Variants in AOC2 observed in about 807,000 individuals in gnomAD.
AOC2 encodes amine oxidase [copper-containing] 2.
AOC2 carries 57 observed loss-of-function variants against 53.8 expected under a neutral mutation model. The ratio of observed to expected loss-of-function variants is 1.06; its 90% CI spans 0.86 to 1.32. The LOEUF (loss-of-function observed/expected upper bound fraction) is 1.32, where lower values mean the gene tolerates loss of function less well. Ranked by LOEUF, AOC2 falls within the 40% of genes most tolerant of loss-of-function variation. The pLI, the probability that AOC2 is intolerant of heterozygous loss-of-function variation, is 0.00. For synonymous variants in AOC2, 404 were observed against 399.0 expected, an observed-to-expected ratio of 1.01 and a Z score of -0.15; for missense variants, 1,008 against 957.2, an observed-to-expected ratio of 1.05 and a Z score of -0.70.
At position 42,850,408 on chromosome 17, in the gene AOC2, C is replaced by G. The variant is rs889516277; in HGVS notation, c.*60C>G. 8.6e-6 allele frequency: 13 copies of G among 1,507,614 alleles called. No individual in the cohort carries two copies. The highest frequency in any genetic ancestry group is 5.5e-5 in the African/African-American group (4 of 72,136). The allele number at this position is 1,507,614 out of a possible 1,614,324, so 93.4% of individuals were successfully genotyped here. A position where few individuals can be genotyped will look rare whatever the true frequency, so the allele number is the denominator to read the frequency against. ...ATGTACTTTTCCCTGTTTCTACTTT[C>G]TATTCTCCGTGTTTTTATCACACCT... On this transcript the variant is annotated 3_prime_UTR_variant, in exon 4 of 4. Transcript: ENST00000253799.
In AOC2 at chr17:42,850,180, C is replaced by G; in HGVS notation, c.2103C>G (p.Leu701=). The G allele has an allele frequency of 6.2e-7, 1 of 1,614,198 alleles. No individual in the cohort carries two copies. Among genetic ancestry groups the G allele is most frequent in the Non-Finnish European group, 8.5e-7 (1 of 1,180,042 alleles). Residue 701 remains leucine, a synonymous_variant, in exon 4 of 4, where the codon CTC becomes CTG. Coordinates refer to ENST00000253799, the MANE Select transcript of AOC2 (RefSeq NM_009590.4). ...TGGGGAACAGAGTTGGCTTCTTGCTCCGACCCTATAACTTCTTTGATGAGG... is the reference window on the plus strand; with the variant it reads ...TGGGGAACAGAGTTGGCTTCTTGCTGCGACCCTATAACTTCTTTGATGAGG... ...VTLGNRVGFL[L]RPYNFFDEDP...
chr17:42,845,641 A>C lies in AOC2; in HGVS notation c.1015A>C (p.Ser339Arg), dbSNP rs776739171. The change falls in exon 1 of 4, where the codon AGC (serine) becomes CGC (arginine). Residue 339 changes from serine (S) to arginine (R), a missense_variant. Ser to Arg is a moderately radical substitution (Grantham distance 110). Coordinates refer to ENST00000253799, the MANE Select transcript of AOC2 (RefSeq NM_009590.4). ...WSFTFGHGVF[S>R]GLRIFDVRFQ... ...ATTTACCTTTGGCCATGGGGTGTTC[A>C]GCGGCCTGAGGATTTTTGATGTTCG... is the stretch of plus-strand genomic sequence containing the variant. 1.2e-6 allele frequency: 2 copies of C among 1,614,170 alleles called. No homozygotes were observed. The highest frequency in any genetic ancestry group is 2.2e-5 in the East Asian group (1 of 44,880).
rs772772634 is a variant in AOC2 at position 42,845,373 on chromosome 17, C to G, written c.747C>G (p.Asp249Glu). 4 of 1,614,204 alleles carry G rather than the reference C, an allele frequency of 2.5e-6. No individual in the cohort carries two copies. The highest frequency in any genetic ancestry group is 3.4e-6 in the Non-Finnish European group (4 of 1,180,030). ...TACTACTGGACCACAGGGCCCTGGA[C>G]CCTGCCCACTGGACTGTCCAGCAGG... ...LELLLDHRAL[D>E]PAHWTVQQVF... Residue 249 changes from aspartate to glutamate, a missense_variant, in exon 1 of 4, where the codon GAC becomes GAG. Transcript: ENST00000253799.
At chr17:42,846,912 A>G (rs1025524692) in intron 1 of AOC2, among the ~76,000 whole-genome samples, 3 of 152,250 alleles carry the variant, frequency 2.0e-5, no homozygotes, top group Admixed American at 1.3e-4. Context: ...TGATCCACAA[A>G]GAAAATTAGA....
Position 42,845,613 on chromosome 17 carries a change from G to C in AOC2, c.987G>C (p.Trp329Cys). ...VQGNLVVSSL[W>C]SFTFGHGVFS... ...GAAACCTGGTGGTATCCTCCCTCTG[G>C]TCATTTACCTTTGGCCATGGGGTGT... Residue 329 changes from tryptophan to cysteine, a missense_variant, in exon 1 of 4, where the codon TGG (tryptophan) becomes TGC (cysteine). Transcript: ENST00000253799. 1 of 1,614,130 alleles carries C rather than the reference G, an allele frequency of 6.2e-7. No individual in the cohort carries two copies. The highest frequency in any genetic ancestry group is 8.5e-7 in the Non-Finnish European group (1 of 1,180,032).
chr17:42,850,252 G>C lies in AOC2; in HGVS notation c.2175G>C (p.Gln725His). 6.2e-7 allele frequency: 1 copy of C among 1,614,186 alleles called. No individual in the cohort carries two copies. The highest frequency in any genetic ancestry group is 8.5e-7 in the Non-Finnish European group (1 of 1,180,044). Residue 725 changes from glutamine to histidine, a missense_variant, in exon 4 of 4, where the codon CAG becomes CAC. Physicochemically the swap from Gln to His is conservative, Grantham distance 24 (BLOSUM62 0). Coordinates refer to ENST00000253799, the MANE Select transcript of AOC2 (RefSeq NM_009590.4). ...SPGSVYFEKG[Q>H]DAGLCSINPV... ...GCAGTGTCTACTTTGAGAAGGGCCA[G>C]GATGCTGGGCTCTGCAGCATCAATC...
At position 42,845,843 on chromosome 17, in the gene AOC2, A is replaced by G. The variant is rs764887633; in HGVS notation, c.1217A>G (p.Asp406Gly). 1.7e-5 allele frequency: 28 copies of G among 1,614,012 alleles called. No homozygotes were observed. In the Admixed American group the frequency reaches 3.8e-4, roughly 22 times the overall value. The change falls in exon 1 of 4, where the codon GAC becomes GGC. Residue 406 changes from aspartate (D) to glycine (G), a missense_variant. Coordinates refer to ENST00000253799, the MANE Select transcript of AOC2 (RefSeq NM_009590.4). ...TGCCCCTATCAAGCCACGATGGTGGACATCCATATATTAGTGGGCAAAGGG... is the reference window on the plus strand; with the variant it reads ...TGCCCCTATCAAGCCACGATGGTGGGCATCCATATATTAGTGGGCAAAGGG... Reference protein sequence around the residue: ...VDCPYQATMVDIHILVGKGAV... With the variant: ...VDCPYQATMVGIHILVGKGAV...
In AOC2 at chr17:42,844,900, A is replaced by G. The variant is rs375224191; in HGVS notation, c.274A>G (p.Ile92Val). Reference sequence around the variant, plus strand: ...CCAGGCTCAGCCCTCGGACAACTGCATCTTCTCAGTGGAGCTGCAGCTGCC... The same window carrying G: ...CCAGGCTCAGCCCTCGGACAACTGCGTCTTCTCAGTGGAGCTGCAGCTGCC... ...AAQAQPSDNCIFSVELQLPPK... is the reference protein window; with the variant it reads ...AAQAQPSDNCVFSVELQLPPK... The change falls in exon 1 of 4, where the codon ATC becomes GTC. Residue 92 changes from isoleucine to valine, a missense_variant. Transcript: ENST00000253799. 2 of 1,612,874 alleles carry G rather than the reference A, an allele frequency of 1.2e-6. No individual in the cohort carries two copies. Among genetic ancestry groups the G allele is most frequent in the Non-Finnish European group, 1.7e-6 (2 of 1,179,352 alleles).
rs2055590254 is a variant in AOC2 at position 42,845,569 on chromosome 17, T to A, written c.943T>A (p.Ser315Thr). 2.4e-5 allele frequency: 38 copies of A among 1,614,180 alleles called. No individual in the cohort carries two copies. Among genetic ancestry groups the A allele is most frequent in the Non-Finnish European group, 3.2e-5 (38 of 1,180,026 alleles). ...CCCTCTTCAGTTCTCGCCCCAGGGTTCCCAGTACAGTGTGCAAGGAAACCT... is the reference window on the plus strand; with the variant it reads ...CCCTCTTCAGTTCTCGCCCCAGGGTACCCAGTACAGTGTGCAAGGAAACCT... ...LPPLQFSPQG[S>T]QYSVQGNLVV... is the part of the protein sequence containing the mutation. The change falls in exon 1 of 4, where the codon TCC (serine) becomes ACC (threonine). Residue 315 changes from serine to threonine, a missense_variant. Physicochemically the swap from Ser to Thr is moderately conservative, Grantham distance 58 (BLOSUM62 1). Transcript: ENST00000253799.
Position 42,849,683 on chromosome 17 carries a change from A to G in AOC2, c.1957A>G (p.Thr653Ala), listed in dbSNP as rs1261714351. The stretch of plus-strand genomic sequence containing the variant: ...TCACCAGAATGACATCTGGACACCC[A>G]CAGTTACCTTTGCTGACTTCATCAA... The part of the protein sequence containing the change: ...IYHQNDIWTP[T>A]VTFADFINNE... Residue 653 changes from threonine to alanine, a missense_variant, in exon 3 of 4, where the codon ACA (threonine) becomes GCA (alanine). Transcript: ENST00000253799. 3 of 1,614,200 alleles carry G rather than the reference A, an allele frequency of 1.9e-6. No homozygotes were observed. The South Asian group carries it at 3.3e-5, about 18-fold the overall frequency.
intron 1 of AOC2, among the ~76,000 whole-genome samples, chr17:42,847,146 A>G (rs34307313): frequency 0.018 from 2,730 of 152,382 alleles, 85 homozygotes; most frequent in Admixed American, 0.069. Flanking sequence ...GACTAATAGC[A>G]TGATTGAAAT....
In AOC2 at chr17:42,849,369, G is replaced by T. The variant is rs775533195; in HGVS notation, c.1872G>T (p.Gly624=). 1 of 1,610,546 alleles carries T rather than the reference G, an allele frequency of 6.2e-7. No individual in the cohort carries two copies. Among genetic ancestry groups the T allele is most frequent in the Admixed American group, 1.7e-5 (1 of 59,954 alleles). The change falls in exon 2 of 4, where the codon GGG becomes GGT. Residue 624 remains glycine, a splice_region_variant and synonymous_variant. Coordinates refer to ENST00000253799, the MANE Select transcript of AOC2 (RefSeq NM_009590.4). ...ACATGGAGAGGGCCCTCAGCTGGGG[G>T]AGGTGAGGAGGGCCCTGGCCTGGGT... The part of the protein sequence containing the change: ...ESDMERALSW[G]RYQLVVTQRK...
chr17:42,846,181 G>C lies in AOC2; in HGVS notation c.1555G>C (p.Ala519Pro), dbSNP rs985811152. The stretch of plus-strand genomic sequence containing the variant: ...AGTGCTGGGAACGGTGCACACACAT[G>C]CCTTCCACTTCAAGCTGGACCTGGA... ...ERVLGTVHTHAFHFKLDLDVA... is the reference protein window; with the variant it reads ...ERVLGTVHTHPFHFKLDLDVA... The change falls in exon 1 of 4, where the codon GCC becomes CCC. Residue 519 changes from alanine (A) to proline (P), a missense_variant. By Grantham distance (27) the Ala-to-Pro change is conservative (BLOSUM62 -1). Coordinates refer to ENST00000253799, the MANE Select transcript of AOC2 (RefSeq NM_009590.4). The C allele has an allele frequency of 1.0e-5, 16 of 1,530,276 alleles. No homozygotes were observed. The highest frequency in any genetic ancestry group is 1.4e-5 in the Non-Finnish European group (16 of 1,138,522). The allele number at this position is 1,530,276 out of a possible 1,614,324, so 94.8% of individuals were successfully genotyped here.
At chr17:42,846,285 T>C in intron 1 of AOC2, 71 bp downstream of exon 1, 225 of 1,187,170 alleles carry the variant, frequency 1.9e-4, no homozygotes, top group Non-Finnish European at 2.4e-4. Context: ...GGGAAGGGAA[T>C]CTCCCAGGTC....
chr17:42,845,514 G>T lies in AOC2; in HGVS notation c.888G>T (p.Leu296=). The T allele has an allele frequency of 6.2e-7, 1 of 1,614,152 alleles. No individual in the cohort carries two copies. The highest frequency in any genetic ancestry group is 8.5e-7 in the Non-Finnish European group (1 of 1,180,024). ...CTCCACCAAATGGAGCTTCATCCCT[G>T]AGGTCTCGGAACTCTCCAGGTCCTC... The part of the protein sequence containing the change: ...PLPPPNGASS[L]RSRNSPGPLP... The change falls in exon 1 of 4, where the codon CTG becomes CTT. Residue 296 remains leucine (L), a synonymous_variant. Coordinates refer to ENST00000253799, the MANE Select transcript of AOC2 (RefSeq NM_009590.4).
Position 42,850,381 on chromosome 17 carries a change from A to G in AOC2, c.*33A>G, listed in dbSNP as rs777215660. The stretch of plus-strand genomic sequence containing the variant: ...GGTGTGGCGGGCGGCGTGGTTAGGC[A>G]CATGTACTTTTCCCTGTTTCTACTT... On this transcript the variant is annotated 3_prime_UTR_variant, in exon 4 of 4. Transcript: ENST00000253799. The G allele has an allele frequency of 3.9e-6, 6 of 1,542,644 alleles. No individual in the cohort carries two copies. The Admixed American group carries it at 1.2e-4, about 30-fold the overall frequency.
At chr17:42,846,831 A>G (rs1314276890) in intron 1 of AOC2, among the ~76,000 whole-genome samples, 2 of 152,222 alleles carry the variant, frequency 1.3e-5, no homozygotes, top group African/African-American at 4.8e-5. Context: ...AAAGGGCTCA[A>G]AGCACACAGA....
Position 42,845,545 on chromosome 17 carries a change from C to G in AOC2, c.919C>G (p.Pro307Ala). ...RSRNSPGPLP[P>A]LQFSPQGSQY... Reference sequence around the variant, plus strand: ...TCGGAACTCTCCAGGTCCTCTTCCCCCTCTTCAGTTCTCGCCCCAGGGTTC... The same window carrying G: ...TCGGAACTCTCCAGGTCCTCTTCCCGCTCTTCAGTTCTCGCCCCAGGGTTC... The change falls in exon 1 of 4, where the codon CCT (proline) becomes GCT (alanine). Residue 307 changes from proline (P) to alanine (A), a missense_variant. Physicochemically the swap from Pro to Ala is conservative, Grantham distance 27 (BLOSUM62 -1). Transcript: ENST00000253799. 6.2e-7 allele frequency: 1 copy of G among 1,614,178 alleles called. No individual in the cohort carries two copies. The highest frequency in any genetic ancestry group is 8.5e-7 in the Non-Finnish European group (1 of 1,180,022).
chr17:42,845,772 C>T lies in AOC2; in HGVS notation c.1146C>T (p.Ser382=). 6.2e-7 allele frequency: 1 copy of T among 1,614,148 alleles called. No individual in the cohort carries two copies. Among genetic ancestry groups the T allele is most frequent in the East Asian group, 2.2e-5 (1 of 44,880 alleles). ...KTMLTRYLDS[S]FGLGRNSRGL... ...TGCTGACTCGCTATTTGGATAGCAG[C>T]TTTGGACTCGGCCGTAACAGCCGAG... Residue 382 remains serine (S), a synonymous_variant, in exon 1 of 4, where the codon AGC becomes AGT. Transcript: ENST00000253799.
Sources: allele counts gnomAD v4.1 joint callset (sites outside exome capture counted in the v4.1 genomes callset), GRCh38; gene constraint gnomAD v4.1.1; transcripts MANE v1.5; gene names NCBI Gene and HGNC (gene_info 2026-07-23, HGNC 2026-07-21).